The following EPHA6 variants were observed in gnomAD, a reference collection of about 807,000 sequenced individuals.
The protein encoded by EPHA6 is EPH receptor A6.
EPHA6 carries 50 observed loss-of-function variants against 112.0 expected under a neutral mutation model. The ratio of observed to expected loss-of-function variants is 0.45; its 90% CI spans 0.36 to 0.56. The LOEUF (loss-of-function observed/expected upper bound fraction) is 0.56. EPHA6 is among the 20% of genes least tolerant of loss of function. The pLI is 0.00. For synonymous variants in EPHA6, 529 were observed against 490.7 expected (o/e 1.08, Z -1.03); for missense variants, 1,280 against 1,417.4 (o/e 0.90, Z 1.56).
At chr3:97,557,674 C>T (rs1222577103) in intron 11 of EPHA6, among the ~76,000 whole-genome samples, 3 of 151,876 alleles carry the variant, frequency 2.0e-5, no homozygotes, top group African/African-American at 7.2e-5. Context: ...TACTCCTCCT[C>T]ATTTTTATTT....
chr3:97,264,012 T>C lies in EPHA6; in HGVS notation c.1606+19725T>C, dbSNP rs541954677. 1.9e-3 allele frequency among the ~76,000 whole-genome samples: 282 copies of C among 152,378 alleles called. 4 individuals carry two copies. The highest frequency in any genetic ancestry group is 3.9e-3 in the South Asian group (19 of 4,830). ...ATGCGTCCCCCTAGAATCTAACTTTTTTCTGTAAAGAGCAAGATAGTAAAT... is the reference window on the plus strand; with the variant it reads ...ATGCGTCCCCCTAGAATCTAACTTTCTTCTGTAAAGAGCAAGATAGTAAAT... On this transcript the variant is annotated intron_variant, in intron 5 of 17. Transcript: ENST00000389672.
chr3:97,726,748 C>T (rs1031207406), intron 15 of EPHA6, among the ~76,000 whole-genome samples: 2 of 152,020 alleles, frequency 1.3e-5, no homozygotes, highest in Admixed American at 1.3e-4. Flanking sequence ...AATGCTGGAA[C>T]TACACATGCT....
At chr3:97,004,802 T>G (rs2043811589) in intron 3 of EPHA6, among the ~76,000 whole-genome samples, 1 of 152,208 alleles carries the variant, frequency 6.6e-6, no homozygotes, top group Non-Finnish European at 1.5e-5. Context: ...TAATCTATCT[T>G]GAGTTAATTT....
chr3:97,574,383 A>G (rs762156804), intron 11 of EPHA6, among the ~76,000 whole-genome samples: 3 of 152,200 alleles, frequency 2.0e-5, no homozygotes, highest in Non-Finnish European at 2.9e-5. Flanking sequence ...ACACTTAAGC[A>G]GAGTCTTGAA....
At chr3:97,454,676 G>C (rs1379744635) in intron 7 of EPHA6, among the ~76,000 whole-genome samples, 2 of 151,788 alleles carry the variant, frequency 1.3e-5, no homozygotes, top group Non-Finnish European at 3.0e-5. Context: ...TGACGATTTT[G>C]TTGTTAACAC....
In EPHA6 at chr3:97,761,503, C is replaced by A. The variant is rs1405397760; in HGVS notation, c.*12802C>A. 1 of 174,954 alleles carries A rather than the reference C, an allele frequency of 5.7e-6. No individual in the cohort carries two copies. The highest frequency in any genetic ancestry group is 1.2e-5 in the Non-Finnish European group (1 of 81,068). 10.8% of individuals were successfully genotyped at this position (174,954 alleles called of 1,614,324 possible). A position where few individuals can be genotyped will look rare whatever the true frequency, so the allele number is the denominator to read the frequency against. ...GCCTGTTTATTAAAATATCTATTGG[C>A]AAATAAAAGTTACAGCTTTGGTGGT... On this transcript the variant is annotated 3_prime_UTR_variant, in exon 18 of 18. Coordinates refer to ENST00000389672, the MANE Select transcript of EPHA6 (RefSeq NM_001080448.3).
In EPHA6 at chr3:97,602,228, G is replaced by T. The variant is rs566290544; in HGVS notation, c.2513-8565G>T. ...AAATTTATTTTTAATGGAACCTTAA[G>T]ATTATTAATATAAACTGATGTTTGA... On this transcript the variant is annotated intron_variant, in intron 12 of 17. Coordinates refer to ENST00000389672, the MANE Select transcript of EPHA6 (RefSeq NM_001080448.3). 3.9e-5 allele frequency among the ~76,000 whole-genome samples: 6 copies of T among 152,036 alleles called. No homozygotes were observed. The East Asian group carries it at 7.7e-4, about 20-fold the overall frequency.
At chr3:97,683,521 G>A (rs2032017544) in intron 14 of EPHA6, among the ~76,000 whole-genome samples, 1 of 152,140 alleles carries the variant, frequency 6.6e-6, no homozygotes, top group South Asian at 2.1e-4. Context: ...TAGAATTAAA[G>A]TAACGAAAAA....
chr3:97,699,324 C>A (rs571386394), intron 14 of EPHA6, among the ~76,000 whole-genome samples: 1 of 152,296 alleles, frequency 6.6e-6, no homozygotes, highest in South Asian at 2.1e-4. Flanking sequence ...TAGTGTTCAG[C>A]AGAGACACTA....
At chr3:97,105,039 C>T (rs1382711751) in intron 3 of EPHA6, among the ~76,000 whole-genome samples, 2 of 151,486 alleles carry the variant, frequency 1.3e-5, no homozygotes, top group Non-Finnish European at 2.9e-5. Flanking sequence ...CTCTTTTCTT[C>T]TTTACTAGTC....
chr3:97,559,728 C>G (rs2093162758), intron 11 of EPHA6: 1 of 425,880 alleles, frequency 2.3e-6, no homozygotes, highest in Non-Finnish European at 4.6e-6. Context: ...TTATTTTTTG[C>G]ATGGATAGAC....
intron 6 of EPHA6, among the ~76,000 whole-genome samples, chr3:97,443,091 C>T (rs62262772): frequency 6.6e-6 from 1 of 151,824 alleles, no homozygotes; most frequent in Non-Finnish European, 1.5e-5. Context: ...GGTTTTAATT[C>T]GTTTATTTTT....
At chr3:97,039,612 A>G (rs997243946) in intron 3 of EPHA6, among the ~76,000 whole-genome samples, 2 of 152,044 alleles carry the variant, frequency 1.3e-5, no homozygotes, top group East Asian at 1.9e-4. Flanking sequence ...TATTTTTAAA[A>G]TATCTTAATT....
At chr3:97,529,742 A>G (rs2092674631) in intron 10 of EPHA6, among the ~76,000 whole-genome samples, 1 of 152,074 alleles carries the variant, frequency 6.6e-6, no homozygotes, top group Admixed American at 6.6e-5. Context: ...TAGAGAACAC[A>G]CTAAGAGTCT....
At chr3:97,056,740 A>G (rs1002538887) in intron 3 of EPHA6, among the ~76,000 whole-genome samples, 1 of 152,214 alleles carries the variant, frequency 6.6e-6, no homozygotes, top group African/African-American at 2.4e-5. Flanking sequence ...GGAGTTAAAC[A>G]GACCTGGGTT....
At chr3:97,548,442 A>G (rs73851925) in intron 11 of EPHA6, among the ~76,000 whole-genome samples, 1 of 152,236 alleles carries the variant, frequency 6.6e-6, no homozygotes, top group East Asian at 1.9e-4. Context: ...TTGGGGAGGG[A>G]TAATTTAGGC....
At chr3:97,598,563 A>C (rs970857508) in intron 12 of EPHA6, among the ~76,000 whole-genome samples, 1 of 150,830 alleles carries the variant, frequency 6.6e-6, no homozygotes, top group East Asian at 2.0e-4. Context: ...ATGATTTCCA[A>C]TTTCATCCAT....
At chr3:97,057,628 A>G (rs1035340446) in intron 3 of EPHA6, among the ~76,000 whole-genome samples, 4 of 152,232 alleles carry the variant, frequency 2.6e-5, no homozygotes, top group Admixed American at 2.6e-4. Context: ...TGTCTTATTG[A>G]GAGACATCAA....
chr3:97,688,943 T>C (rs1346583806), intron 14 of EPHA6, among the ~76,000 whole-genome samples: 1 of 152,210 alleles, frequency 6.6e-6, no homozygotes, highest in Non-Finnish European at 1.5e-5. Flanking sequence ...TTATTATTCA[T>C]TGAGTAAACC....
Sources: allele counts gnomAD v4.1 joint callset (sites outside exome capture counted in the v4.1 genomes callset), GRCh38; gene constraint gnomAD v4.1.1; transcripts MANE v1.5; gene names NCBI Gene and HGNC (gene_info 2026-07-23, HGNC 2026-07-21).